KCNC4: variants seen among roughly 807,000 people sequenced by gnomAD.
KCNC4 encodes potassium voltage-gated channel subfamily C member 4, also known as voltage-gated potassium channel KCNC4.
KCNC4 carries 23 observed loss-of-function variants against 42.8 expected under a neutral mutation model. That is an observed-to-expected ratio of 0.54 (90% confidence interval 0.39 to 0.76). The LOEUF (loss-of-function observed/expected upper bound fraction) is 0.76. Ranked by LOEUF, KCNC4 falls within the 30% of genes least tolerant of loss-of-function variation. The probability of loss-of-function intolerance (pLI) is 0.00; values close to 1 mark genes in which losing one functional copy is unlikely to be tolerated. For missense variants in KCNC4, 751 were observed against 898.2 expected (o/e 0.84, Z 2.10); for synonymous variants, 422 against 393.5 (o/e 1.07, Z -0.86).
chr1:110,241,355 T>A (rs1469218429), exon 4 of KCNC4: 1 of 152,134 alleles, frequency 6.6e-6, no homozygotes, highest in East Asian at 1.9e-4. Context: ...TAGTATGAAT[T>A]TAGGGTCCAT....
chr1:110,279,220 G>A (rs566800666), intron 1 of KCNC4, among the ~76,000 whole-genome samples: 1 of 152,264 alleles, frequency 6.6e-6, no homozygotes, highest in African/African-American at 2.4e-5. Flanking sequence ...GCTGGAGCAT[G>A]GCTAAACATG....
At chr1:110,263,537 A>G (rs909836949) in intron 1 of KCNC4, among the ~76,000 whole-genome samples, 2 of 152,168 alleles carry the variant, frequency 1.3e-5, no homozygotes, top group Non-Finnish European at 2.9e-5. Context: ...ACGTTTGGGC[A>G]ACACAGACAG....
At chr1:110,250,905 T>A (rs1659239495), downstream of KCNC4, among the ~76,000 whole-genome samples, 1 of 152,162 alleles carries the variant, frequency 6.6e-6, no homozygotes, top group Admixed American at 6.5e-5. Flanking sequence ...GCCCATGGAC[T>A]GCCTTAAAGC....
At chr1:110,260,361 G>GA (rs1173913138) in intron 1 of KCNC4, among the ~76,000 whole-genome samples, 3 of 152,134 alleles carry the variant, frequency 2.0e-5, no homozygotes, top group Admixed American at 6.5e-5. Flanking sequence ...GATAGTGTGA[G>GA]AAAAAAAGAG....
intron 1 of KCNC4, among the ~76,000 whole-genome samples, chr1:110,273,425 TCTCTTCTTTGAGA>T (rs1391779678): frequency 6.6e-6 from 1 of 152,218 alleles, no homozygotes; most frequent in Non-Finnish European, 1.5e-5. Context: ...TCTGTGTCAG[TCTCTTCTTTGAGA>T]CGAAGAGTCT....
chr1:110,241,501 G>A (rs189899131), exon 4 of KCNC4: 4 of 152,312 alleles, frequency 2.6e-5, no homozygotes, highest in Admixed American at 2.6e-4. Context: ...ATTAGGAGAG[G>A]AAGAAATCCA....
Position 110,223,043 on chromosome 1 carries a change from T to C in KCNC4, c.758T>C (p.Ile253Thr), listed in dbSNP as rs765959966. The change falls in exon 2 of 4, where the codon ATC becomes ACC. Residue 253 changes from isoleucine (I) to threonine (T), a missense_variant. Ile to Thr is a moderately conservative substitution (Grantham distance 89). This residue lies in a region of KCNC4 where 181 missense variants were observed against 167.3 expected (regional missense o/e 1.08). Coordinates refer to ENST00000438661, the MANE Select transcript of KCNC4 (RefSeq NM_001039574.3). This position sits in a 1 kb window ranked among gnomAD's most constrained non-coding sequence, Gnocchi z 7.5. Reference sequence around the variant, plus strand: ...CTGGAGACCCATGAGGCCTTTAATATCGACCGCAACGTGACAGAGATCCTC... The same window carrying C: ...CTGGAGACCCATGAGGCCTTTAATACCGACCGCAACGTGACAGAGATCCTC... ...FCLETHEAFN[I>T]DRNVTEILRV... 11 of 1,613,992 alleles carry C rather than the reference T, an allele frequency of 6.8e-6. No homozygotes were observed. The highest frequency in any genetic ancestry group is 3.3e-4 in the Middle Eastern group (2 of 6,084).
At chr1:110,279,792 A>ATTT (rs746438498) in intron 1 of KCNC4, among the ~76,000 whole-genome samples, 321 of 98,558 alleles carry the variant, frequency 3.3e-3, no homozygotes, top group East Asian at 4.9e-3. Context: ...GGCTTTAGGA[A>ATTT]TTTTTTTTTT....
At chr1:110,269,594 C>G (rs181122136) in intron 1 of KCNC4, among the ~76,000 whole-genome samples, 141 of 152,286 alleles carry the variant, frequency 9.3e-4, no homozygotes, top group Non-Finnish European at 1.4e-3. Flanking sequence ...ATGAATAAAG[C>G]TGCTATAAAC....
At chr1:110,276,119 G>A (rs535676463) in intron 1 of KCNC4, among the ~76,000 whole-genome samples, 38 of 152,076 alleles carry the variant, frequency 2.5e-4, no homozygotes, top group African/African-American at 8.4e-4. Context: ...CACAGAGTGT[G>A]GAATGATAGA....
Position 110,223,146 on chromosome 1 carries a change from A to G in KCNC4, c.861A>G (p.Val287=), listed in dbSNP as rs1658196577. ...CCATCCTGACCTACATCGAGGGCGT[A>G]TGTGTGCTGTGGTTCACACTGGAGT... is the stretch of plus-strand genomic sequence containing the variant. The part of the protein sequence containing the change: ...TEPILTYIEG[V]CVLWFTLEFL... Residue 287 remains valine, a synonymous_variant, in exon 2 of 4, where the codon GTA becomes GTG. Transcript: ENST00000438661. This position sits in a 1 kb window ranked among gnomAD's most constrained non-coding sequence, Gnocchi z 7.5. The G allele has an allele frequency of 1.2e-6, 2 of 1,614,198 alleles. No individual in the cohort carries two copies. The highest frequency in any genetic ancestry group is 1.1e-5 in the South Asian group (1 of 91,082).
intron 1 of KCNC4, among the ~76,000 whole-genome samples, chr1:110,212,652 C>T (rs756632519): frequency 2.0e-5 from 3 of 152,202 alleles, no homozygotes; most frequent in Non-Finnish European, 4.4e-5. Flanking sequence ...CATTTACATC[C>T]TCCCAGCAGC....
chr1:110,214,821 C>T (rs1032108741), intron 1 of KCNC4, among the ~76,000 whole-genome samples: 1 of 152,194 alleles, frequency 6.6e-6, no homozygotes, highest in African/African-American at 2.4e-5. Flanking sequence ...CATCAGAAAA[C>T]CCAGGGGCAG....
chr1:110,225,744 G>A lies in KCNC4; in HGVS notation c.1616-231G>A, dbSNP rs75758195. ...GCATCTGCACTGTGGCTTCATCCCT[G>A]AGGAGAGACCCTAAGCTGAGGCTGG... On this transcript the variant is annotated intron_variant, in intron 2 of 3. Coordinates refer to ENST00000438661, the MANE Select transcript of KCNC4 (RefSeq NM_001039574.3). The A allele has an allele frequency of 8.3e-3, 4,481 of 537,276 alleles. 42 individuals carry two copies. The highest frequency in any genetic ancestry group is 0.044 in the Middle Eastern group (91 of 2,058). 33.3% of individuals were successfully genotyped at this position (537,276 alleles called of 1,614,324 possible). A position where few individuals can be genotyped will look rare whatever the true frequency, so the allele number is the denominator to read the frequency against.
At position 110,223,221 on chromosome 1, in the gene KCNC4, C is replaced by T; in HGVS notation, c.936C>T (p.Asn312=). ...CCPDTLDFVK[N]LLNIIDFVAI... The stretch of plus-strand genomic sequence containing the variant: ...CCGACACGCTGGACTTCGTCAAGAA[C>T]CTGCTCAACATCATCGACTTTGTGG... The change falls in exon 2 of 4, where the codon AAC becomes AAT. Residue 312 remains asparagine (N), a synonymous_variant. Transcript: ENST00000438661. This position sits in a 1 kb window ranked among gnomAD's most constrained non-coding sequence, Gnocchi z 7.5. 6.2e-7 allele frequency: 1 copy of T among 1,614,234 alleles called. No homozygotes were observed. Among genetic ancestry groups the T allele is most frequent in the African/African-American group, 1.3e-5 (1 of 75,064 alleles).
At chr1:110,281,060 T>G (rs1021821049) in intron 1 of KCNC4, among the ~76,000 whole-genome samples, 1 of 151,950 alleles carries the variant, frequency 6.6e-6, no homozygotes, top group African/African-American at 2.4e-5. Flanking sequence ...AGGCTCCCTG[T>G]GGTGGTGGTG....
At chr1:110,232,186 A>T (rs1203841839) in intron 3 of KCNC4, 12 of 1,607,308 alleles carry the variant, frequency 7.5e-6, no homozygotes, top group Non-Finnish European at 1.0e-5. Context: ...GTTTCTCAAT[A>T]AGGTACTATT....
At chr1:110,260,971 C>G (rs1659415052) in intron 1 of KCNC4, among the ~76,000 whole-genome samples, 1 of 152,192 alleles carries the variant, frequency 6.6e-6, no homozygotes, top group Non-Finnish European at 1.5e-5. Context: ...TTCTCTGAAA[C>G]ATGGTTGCCA....
At chr1:110,238,049 CTG>C (rs1272205603), downstream of KCNC4, 1 of 152,250 alleles carries the variant, frequency 6.6e-6, no homozygotes, top group Non-Finnish European at 1.5e-5. Flanking sequence ...GCTGGGGACT[CTG>C]GGGACAAGGC....
Sources: gnomAD v4.1 joint callset for allele counts (sites outside exome capture counted in the v4.1 genomes callset) on GRCh38, gnomAD v4.1.1 for gene constraint, gnomAD v4.1.1 regional missense constraint, Gnocchi (gnomAD v3.1) non-coding constraint, MANE v1.5 for transcripts, NCBI Gene and HGNC (gene_info 2026-07-23, HGNC 2026-07-21) for gene names.